ANAPC10: variants seen among roughly 807,000 people sequenced by gnomAD.
ANAPC10 encodes anaphase-promoting complex subunit 10.
Under a neutral mutation model 22.0 loss-of-function variants are expected in ANAPC10, and 12 were observed. The observed-to-expected ratio is 0.55, with a 90% CI of 0.35 to 0.88. The LOEUF is 0.88. Ranked by LOEUF, ANAPC10 falls within the 40% of genes least tolerant of loss-of-function variation. The pLI, the probability that ANAPC10 is intolerant of heterozygous loss-of-function variation, is 0.01. For synonymous variants in ANAPC10, 65 were observed against 69.5 expected (o/e 0.94, Z 0.32); for missense variants, 188 against 220.9 (o/e 0.85, Z 0.94).
At chr4:145,055,125 A>T (rs531852814) in intron 4 of ANAPC10, among the ~76,000 whole-genome samples, 12 of 152,352 alleles carry the variant, frequency 7.9e-5, no homozygotes, top group African/African-American at 2.9e-4. Flanking sequence ...GGATCTTAAG[A>T]TAAGTGTACA....
chr4:145,025,332 G>C (rs1235458428), intron 4 of ANAPC10, among the ~76,000 whole-genome samples: 1 of 141,814 alleles, frequency 7.1e-6, no homozygotes, highest in African/African-American at 2.6e-5. Flanking sequence ...CTTTCAACAC[G>C]CCCCCCCCCC....
In ANAPC10 at chr4:145,096,802, A is replaced by T. The variant is rs960638479; in HGVS notation, c.-12-691T>A. Among the ~76,000 whole-genome samples the T allele has an allele frequency of 3.3e-5, 5 of 152,030 alleles. No individual in the cohort carries two copies. The South Asian group carries it at 1.0e-3, about 31-fold the overall frequency. On this transcript the variant is annotated intron_variant, in intron 1 of 4. Coordinates refer to ENST00000507656, the MANE Select transcript of ANAPC10 (RefSeq NM_001256706.2). ...TTGCTTCAAGCGATCCTCCCACCTCAGCCTCCCAAGTAGCTGGGATTACAG... is the reference window on the plus strand; with the variant it reads ...TTGCTTCAAGCGATCCTCCCACCTCTGCCTCCCAAGTAGCTGGGATTACAG...
intron 4 of ANAPC10, among the ~76,000 whole-genome samples, chr4:145,041,024 A>G (rs963617335): frequency 1.3e-5 from 2 of 152,118 alleles, no homozygotes. Flanking sequence ...AGTTATATTA[A>G]AAAAAACAAC....
chr4:145,080,844 T>C (rs1419102424), intron 3 of ANAPC10, among the ~76,000 whole-genome samples: 3 of 148,536 alleles, frequency 2.0e-5, no homozygotes, highest in Admixed American at 6.8e-5. Context: ...GAGGCGGAGG[T>C]TGCAGTAACC....
At chr4:145,001,065 A>G (rs1732470218) in intron 4 of ANAPC10, among the ~76,000 whole-genome samples, 2 of 152,078 alleles carry the variant, frequency 1.3e-5, no homozygotes, top group African/African-American at 4.8e-5. Flanking sequence ...GGATAGCATT[A>G]GGAGAAATAC....
chr4:145,082,522 T>A (rs1746225627), intron 2 of ANAPC10, among the ~76,000 whole-genome samples: 1 of 152,206 alleles, frequency 6.6e-6, no homozygotes, highest in Non-Finnish European at 1.5e-5. Flanking sequence ...TAAAAATGAC[T>A]AAGCACAAAA....
chr4:144,995,571 A>C lies in ANAPC10; in HGVS notation c.360T>G (p.Ile120Met). The change falls in exon 5 of 5, where the codon ATT (isoleucine) becomes ATG (methionine). Residue 120 changes from isoleucine to methionine, a missense_variant. Coordinates refer to ENST00000507656, the MANE Select transcript of ANAPC10 (RefSeq NM_001256706.2). ...TATGATTGTCAGTTAAGGGAACATGAATCCAGCCACTTGGTTCCACCAACT... is the reference window on the plus strand; with the variant it reads ...TATGATTGTCAGTTAAGGGAACATGCATCCAGCCACTTGGTTCCACCAACT... ...QLELVEPSGWIHVPLTDNHKK... is the reference protein window; with the variant it reads ...QLELVEPSGWMHVPLTDNHKK... 2 of 1,612,914 alleles carry C rather than the reference A, an allele frequency of 1.2e-6. No individual in the cohort carries two copies. The highest frequency in any genetic ancestry group is 1.7e-6 in the Non-Finnish European group (2 of 1,179,640).
intron 4 of ANAPC10, among the ~76,000 whole-genome samples, chr4:145,056,549 C>A (rs540883965): frequency 1.3e-5 from 2 of 152,148 alleles, no homozygotes; most frequent in Non-Finnish European, 2.9e-5. Context: ...TAAGAACCCC[C>A]TCTTGGGGTC....
chr4:145,024,542 T>C (rs931301014), intron 4 of ANAPC10, among the ~76,000 whole-genome samples: 2 of 152,212 alleles, frequency 1.3e-5, no homozygotes, highest in African/African-American at 4.8e-5. Context: ...ATCAAAGCTC[T>C]TGGGTGACTA....
At chr4:145,059,495 G>C (rs1402519956) in intron 4 of ANAPC10, among the ~76,000 whole-genome samples, 2 of 152,148 alleles carry the variant, frequency 1.3e-5, no homozygotes, top group Non-Finnish European at 2.9e-5. Context: ...TTAAGCACTC[G>C]ATCTTGTGCT....
intron 4 of ANAPC10, among the ~76,000 whole-genome samples, chr4:145,035,619 G>C (rs1276320981): frequency 6.6e-6 from 1 of 152,212 alleles, no homozygotes; most frequent in African/African-American, 2.4e-5. Context: ...CTTGTCACAA[G>C]ATTGGAGGCA....
rs1343774253 is a variant in ANAPC10 at position 145,026,957 on chromosome 4, G to GTGTGTATATATA, written c.328-31355_328-31354insTATATATACACA. ...TATATATATATATATGTGTGTGTGT[G>GTGTGTATATATA]TATATATATATATATATATATATAT... On this transcript the variant is annotated intron_variant, in intron 4 of 4. Transcript: ENST00000507656. Among the ~76,000 whole-genome samples the GTGTGTATATATA allele has an allele frequency of 2.7e-3, 49 of 18,340 alleles. 1 individual carries two copies. The highest frequency in any genetic ancestry group is 3.2e-3 in the African/African-American group (11 of 3,462). 12.0% of individuals were successfully genotyped at this position (18,340 alleles called of 152,430 possible).
chr4:145,059,209 C>G (rs1266343441), intron 4 of ANAPC10, among the ~76,000 whole-genome samples: 2 of 152,096 alleles, frequency 1.3e-5, no homozygotes, highest in Non-Finnish European at 2.9e-5. Flanking sequence ...TCTTCTTACT[C>G]TATCACATAC....
intron 4 of ANAPC10, among the ~76,000 whole-genome samples, chr4:145,039,104 G>C (rs1357564378): frequency 7.5e-6 from 1 of 133,832 alleles, no homozygotes; most frequent in Admixed American, 7.5e-5. Context: ...CTGATGACGA[G>C]ACATCACTTT....
At chr4:145,070,186 C>T (rs1744289136) in intron 3 of ANAPC10, among the ~76,000 whole-genome samples, 1 of 152,152 alleles carries the variant, frequency 6.6e-6, no homozygotes, top group South Asian at 2.1e-4. Flanking sequence ...TGTGGACCGC[C>T]ACCTATTTTT....
At chr4:145,092,611 A>C (rs1747854262) in intron 2 of ANAPC10, among the ~76,000 whole-genome samples, 1 of 152,236 alleles carries the variant, frequency 6.6e-6, no homozygotes, top group Non-Finnish European at 1.5e-5. Flanking sequence ...AGGTGAATTC[A>C]CACTGACTCT....
At chr4:145,004,336 T>C (rs575626256) in intron 4 of ANAPC10, among the ~76,000 whole-genome samples, 137 of 152,282 alleles carry the variant, frequency 9.0e-4, no homozygotes, top group African/African-American at 3.1e-3. Context: ...TCTTTATTTA[T>C]TTCTCTTGCC....
At position 145,096,124 on chromosome 4, in the gene ANAPC10, C is replaced by CAAG. The variant is rs1560947248; in HGVS notation, c.-12-16_-12-14dup. 6.2e-7 allele frequency: 1 copy of CAAG among 1,608,002 alleles called. No individual in the cohort carries two copies. The highest frequency in any genetic ancestry group is 1.1e-5 in the South Asian group (1 of 89,256). On this transcript the variant is annotated splice_polypyrimidine_tract_variant and intron_variant, in intron 1 of 4. Transcript: ENST00000507656. ...TTTTTAAAATATTCTATGTAGAAAA[C>CAAG]AAGAATGCACACATTGTATCAGGAA...
rs532235139 is a variant in ANAPC10, at chr4:145,014,433, G to T, written c.328-18830C>A. The stretch of plus-strand genomic sequence containing the variant: ...CTATCCCCCACAGCAGCTGCACCAA[G>T]GCCCACCCAAGGAAAGTCTGAGCTC... On this transcript the variant is annotated intron_variant, in intron 4 of 4. Coordinates refer to ENST00000507656, the MANE Select transcript of ANAPC10 (RefSeq NM_001256706.2). Among the ~76,000 whole-genome samples, 19 of 152,006 alleles carry T rather than the reference G, an allele frequency of 1.2e-4. No individual in the cohort carries two copies. The East Asian group carries it at 3.7e-3, about 30-fold the overall frequency.
Sources: allele counts gnomAD v4.1 joint callset (sites outside exome capture counted in the v4.1 genomes callset), GRCh38; gene constraint gnomAD v4.1.1; transcripts MANE v1.5; gene names NCBI Gene and HGNC (gene_info 2026-07-23, HGNC 2026-07-21).